DPP10: variants seen among roughly 807,000 people sequenced by gnomAD.
The protein encoded by DPP10 is inactive dipeptidyl peptidase 10.
In DPP10, 33 loss-of-function variants were observed where a neutral mutation model predicts 120.9. That is an observed-to-expected ratio of 0.27 (90% CI 0.21 to 0.37). The LOEUF (loss-of-function observed/expected upper bound fraction) is 0.37, where lower values mean the gene tolerates loss of function less well. Ranked by LOEUF, DPP10 falls within the 10% of genes least tolerant of loss-of-function variation. DPP10 has a pLI of 1.00. For synonymous variants in DPP10, 337 were observed against 326.1 expected (o/e 1.03, Z -0.36); for missense variants, 816 against 942.8 (o/e 0.87, Z 1.76).
chr2:114,686,264 T>C (rs1332161656), intron 1 of DPP10, among the ~76,000 whole-genome samples: 2 of 151,904 alleles, frequency 1.3e-5, no homozygotes, highest in East Asian at 3.9e-4. Flanking sequence ...TGTATCTGTT[T>C]TTCAGATAAT....
chr2:114,886,008 G>T (rs994752199), intron 1 of DPP10, among the ~76,000 whole-genome samples: 1 of 152,154 alleles, frequency 6.6e-6, no homozygotes, highest in Non-Finnish European at 1.5e-5. Flanking sequence ...AGGTGGAGCT[G>T]TTATCATTAA....
chr2:115,677,053 A>G (rs1028765594), intron 5 of DPP10, among the ~76,000 whole-genome samples: 3 of 152,182 alleles, frequency 2.0e-5, no homozygotes, highest in Non-Finnish European at 2.9e-5. Context: ...AAAAACAGAC[A>G]AATTACCTTC....
At chr2:115,047,040 G>C (rs1204776496) in intron 1 of DPP10, among the ~76,000 whole-genome samples, 2 of 151,936 alleles carry the variant, frequency 1.3e-5, no homozygotes, top group East Asian at 3.9e-4. Flanking sequence ...AATTGAAGTA[G>C]TATCACTCCT....
At chr2:115,746,275 C>T (rs1677960649) in intron 10 of DPP10, 92 bp downstream of exon 10, 2 of 1,093,906 alleles carry the variant, frequency 1.8e-6, no homozygotes. Context: ...GTGATCAGCT[C>T]AACAAATCCA....
intron 5 of DPP10, among the ~76,000 whole-genome samples, chr2:115,659,535 A>T (rs2088716320): frequency 1.3e-5 from 2 of 152,168 alleles, no homozygotes; most frequent in South Asian, 4.1e-4. Flanking sequence ...AAAAGAAATA[A>T]AATGTGTTTG....
intron 5 of DPP10, among the ~76,000 whole-genome samples, chr2:115,649,944 A>T (rs2087601814): frequency 6.6e-6 from 1 of 152,124 alleles, no homozygotes; most frequent in African/African-American, 2.4e-5. Context: ...TCCAGTATGG[A>T]AAAACTAAGA....
chr2:115,256,225 A>C (rs2058981093), intron 1 of DPP10, among the ~76,000 whole-genome samples: 1 of 152,202 alleles, frequency 6.6e-6, no homozygotes, highest in Non-Finnish European at 1.5e-5. Flanking sequence ...AGTGCCAAGC[A>C]AAAGGGGGAA....
chr2:115,524,417 G>A (rs1285811799), intron 4 of DPP10, among the ~76,000 whole-genome samples: 3 of 152,120 alleles, frequency 2.0e-5, no homozygotes, highest in Non-Finnish European at 4.4e-5. Flanking sequence ...GATATATGGG[G>A]TGATGTCTGA....
chr2:114,494,991 G>A (rs1281052432), intron 1 of DPP10, among the ~76,000 whole-genome samples: 2 of 151,916 alleles, frequency 1.3e-5, no homozygotes, highest in East Asian at 1.9e-4. Context: ...TTCTATCAGC[G>A]CTTTTGTGAA....
chr2:114,797,005 C>T (rs1683774875), intron 1 of DPP10, among the ~76,000 whole-genome samples: 1 of 152,076 alleles, frequency 6.6e-6, no homozygotes, highest in South Asian at 2.1e-4. Flanking sequence ...AGCTACATAG[C>T]TCAACAGTCT....
intron 3 of DPP10, among the ~76,000 whole-genome samples, chr2:115,416,162 A>G (rs1348954712): frequency 1.3e-5 from 2 of 152,096 alleles, no homozygotes; most frequent in Admixed American, 6.6e-5. Flanking sequence ...ATATGTTGTC[A>G]TGGAATGGCC....
chr2:114,456,714 C>T (rs902493721), intron 1 of DPP10, among the ~76,000 whole-genome samples: 1 of 152,078 alleles, frequency 6.6e-6, no homozygotes, highest in Non-Finnish European at 1.5e-5. Context: ...TGTGATTACA[C>T]GTACAAAATA....
At chr2:115,834,274 G>T (rs1689221332) in intron 21 of DPP10, among the ~76,000 whole-genome samples, 1 of 152,090 alleles carries the variant, frequency 6.6e-6, no homozygotes, top group Non-Finnish European at 1.5e-5. Flanking sequence ...TACTTCAAGA[G>T]TTTAGTGACA....
intron 3 of DPP10, among the ~76,000 whole-genome samples, chr2:115,430,553 G>A (rs115698085): frequency 0.016 from 2,427 of 152,170 alleles, 57 homozygotes; most frequent in African/African-American, 0.056. Context: ...ATTCAGCTAT[G>A]TACCAGAAAT....
At chr2:115,464,617 C>T (rs1328896637) in intron 3 of DPP10, among the ~76,000 whole-genome samples, 1 of 152,052 alleles carries the variant, frequency 6.6e-6, no homozygotes, top group Non-Finnish European at 1.5e-5. Context: ...CAGAGATGCC[C>T]ATATAGGTGG....
At chr2:115,440,711 G>A (rs1343868053) in intron 3 of DPP10, among the ~76,000 whole-genome samples, 2 of 152,238 alleles carry the variant, frequency 1.3e-5, no homozygotes, top group Non-Finnish European at 2.9e-5. Flanking sequence ...AATGGTTACA[G>A]AGAGATAAAC....
At chr2:114,909,188 A>C (rs1558869168) in intron 1 of DPP10, among the ~76,000 whole-genome samples, 1 of 151,978 alleles carries the variant, frequency 6.6e-6, no homozygotes. Flanking sequence ...AGCTATGAGA[A>C]CTTAGAAAAT....
At chr2:115,399,013 T>G (rs939206346) in intron 3 of DPP10, among the ~76,000 whole-genome samples, 1 of 152,168 alleles carries the variant, frequency 6.6e-6, no homozygotes, top group Non-Finnish European at 1.5e-5. Context: ...CTTTAGCACT[T>G]AATCATGTAG....
At chr2:115,009,400 AG>A (rs1702095930) in intron 1 of DPP10, among the ~76,000 whole-genome samples, 2 of 148,002 alleles carry the variant, frequency 1.4e-5, no homozygotes, top group African/African-American at 4.9e-5. Flanking sequence ...GGACACAGGA[AG>A]GGGAATATCA....
Sources: allele counts gnomAD v4.1 joint callset (sites outside exome capture counted in the v4.1 genomes callset), GRCh38; gene constraint gnomAD v4.1.1; transcripts MANE v1.5; gene names NCBI Gene and HGNC (gene_info 2026-07-23, HGNC 2026-07-21).